ASCC1: variants seen among roughly 807,000 people sequenced by gnomAD.
The protein encoded by ASCC1 is ASC-1 complex subunit P50.
ASCC1 carries 35 observed loss-of-function variants against 46.6 expected under a neutral mutation model. That is an observed-to-expected ratio of 0.75 (90% CI 0.57 to 0.99). The LOEUF (loss-of-function observed/expected upper bound fraction) is 0.99, where lower values mean the gene tolerates loss of function less well. ASCC1 is among the 50% of genes least tolerant of loss of function. ASCC1 has a pLI of 0.00. For missense variants in ASCC1, 376 were observed against 428.7 expected, an observed-to-expected ratio of 0.88 and a Z score of 1.09; for synonymous variants, 143 against 146.6, an observed-to-expected ratio of 0.98 and a Z score of 0.18.
chr10:72,097,589 T>C (rs1841229446), intron 9 of ASCC1, 139 bp from the exon 10 acceptor site: 1 of 608,754 alleles, frequency 1.6e-6, no homozygotes, highest in South Asian at 1.8e-5. Context: ...GTGTTTACTC[T>C]GAATAATGAT....
At chr10:72,204,328 G>C (rs1168370802) in intron 3 of ASCC1, 1 of 1,454,210 alleles carries the variant, frequency 6.9e-7, no homozygotes, top group Non-Finnish European at 9.4e-7. Flanking sequence ...GCGAGCTACA[G>C]CCAACTCTCG....
intron 5 of ASCC1, among the ~76,000 whole-genome samples, chr10:72,174,002 G>T (rs1851561129): frequency 6.6e-6 from 1 of 152,212 alleles, no homozygotes; most frequent in East Asian, 1.9e-4. Context: ...GGGCAGTTTT[G>T]TTTATGAAAA....
intron 6 of ASCC1, among the ~76,000 whole-genome samples, chr10:72,154,274 T>C (rs1268813510): frequency 1.3e-5 from 2 of 152,078 alleles, no homozygotes. Flanking sequence ...ATCTTGACAA[T>C]GATCACCAAT....
At chr10:72,169,302 G>A (rs1850760458) in intron 5 of ASCC1, among the ~76,000 whole-genome samples, 1 of 152,074 alleles carries the variant, frequency 6.6e-6, no homozygotes. Context: ...CGGGTGTGGT[G>A]GCACATGCAT....
At chr10:72,140,965 A>T (rs896482885) in intron 7 of ASCC1, among the ~76,000 whole-genome samples, 7 of 152,116 alleles carry the variant, frequency 4.6e-5, no homozygotes, top group Non-Finnish European at 1.0e-4. Context: ...CAATTCTACC[A>T]CTTACAAGCA....
intron 5 of ASCC1, among the ~76,000 whole-genome samples, chr10:72,182,937 T>C (rs1424528063): frequency 6.6e-6 from 1 of 151,934 alleles, no homozygotes; most frequent in Non-Finnish European, 1.5e-5. Flanking sequence ...TTAAAGCTTA[T>C]ACTTTCTTAT....
chr10:72,209,553 G>A (rs1032992989), intron 3 of ASCC1, among the ~76,000 whole-genome samples: 1 of 152,112 alleles, frequency 6.6e-6, no homozygotes, highest in Non-Finnish European at 1.5e-5. Flanking sequence ...GGAAGCTGAG[G>A]CAGGTGGATC....
At chr10:72,211,544 G>T (rs963484079) in intron 2 of ASCC1, among the ~76,000 whole-genome samples, 8 of 152,014 alleles carry the variant, frequency 5.3e-5, no homozygotes, top group Admixed American at 5.2e-4. Context: ...AACCAAGGTC[G>T]TGCCACTGCA....
chr10:72,188,121 C>CTTTTTTTT (rs1169395541), intron 5 of ASCC1, among the ~76,000 whole-genome samples: 1 of 124,448 alleles, frequency 8.0e-6, no homozygotes, highest in African/African-American at 3.0e-5. Flanking sequence ...AATACTTCTT[C>CTTTTTTTT]TTTTTTTTTT....
chr10:72,212,815 T>G (rs1299634253), intron 2 of ASCC1, among the ~76,000 whole-genome samples: 1 of 152,064 alleles, frequency 6.6e-6, no homozygotes, highest in Non-Finnish European at 1.5e-5. Context: ...ATTACTGCAT[T>G]CCAGCCTAGG....
At chr10:72,105,210 A>G (rs1682351099) in intron 9 of ASCC1, among the ~76,000 whole-genome samples, 1 of 152,192 alleles carries the variant, frequency 6.6e-6, no homozygotes, top group African/African-American at 2.4e-5. Flanking sequence ...ACCCCACATG[A>G]CGAGGCAAGG....
chr10:72,208,603 T>C (rs935609318), intron 3 of ASCC1, among the ~76,000 whole-genome samples: 5 of 152,002 alleles, frequency 3.3e-5, no homozygotes, highest in African/African-American at 9.7e-5. Flanking sequence ...CTACTAAAAA[T>C]ACAAAAATTA....
rs576543054 is a variant in ASCC1, at chr10:72,153,482, G to A, written c.627-494C>T. Among the ~76,000 whole-genome samples, 22 of 151,764 alleles carry A rather than the reference G, an allele frequency of 1.4e-4. No homozygotes were observed. The South Asian group carries it at 4.6e-3, about 32-fold the overall frequency. On this transcript the variant is annotated intron_variant, in intron 6 of 9. Coordinates refer to ENST00000672957, the MANE Select transcript of ASCC1 (RefSeq NM_001198800.3). ...TTGCTGTTGCCCAGGCTGGAGTACA[G>A]TGGCGTGATCTCGGCTCACTGCAAC... is the stretch of plus-strand genomic sequence containing the variant.
At chr10:72,135,488 C>T (rs1396686284) in intron 7 of ASCC1, among the ~76,000 whole-genome samples, 3 of 152,074 alleles carry the variant, frequency 2.0e-5, no homozygotes, top group Non-Finnish European at 2.9e-5. Flanking sequence ...GGCATATGCA[C>T]AGAAGGACTG....
At chr10:72,189,885 A>G (rs1357955755) in intron 5 of ASCC1, 1 of 624,412 alleles carries the variant, frequency 1.6e-6, no homozygotes, top group African/African-American at 1.8e-5. Flanking sequence ...TGTCTTCACT[A>G]TAAGATTAAG....
intron 7 of ASCC1, among the ~76,000 whole-genome samples, chr10:72,147,655 G>A (rs1251767940): frequency 6.6e-6 from 1 of 152,130 alleles, no homozygotes; most frequent in Admixed American, 6.6e-5. Context: ...TTAGTTCAGG[G>A]CACAGCTTTG....
At chr10:72,131,685 GGTCCTACCATGACT>G in intron 8 of ASCC1, among the ~76,000 whole-genome samples, 1 of 152,114 alleles carries the variant, frequency 6.6e-6, no homozygotes, top group South Asian at 2.1e-4. Context: ...CAAATTTCTT[GGTCCTACCATGACT>G]GTAACTAAAC....
chr10:72,185,449 C>G (rs1447150492), intron 5 of ASCC1, among the ~76,000 whole-genome samples: 1 of 152,120 alleles, frequency 6.6e-6, no homozygotes, highest in African/African-American at 2.4e-5. Flanking sequence ...GTGGTACATT[C>G]ATGCAAAGAA....
intron 5 of ASCC1, 94 bp downstream of exon 5, chr10:72,196,717 G>C: frequency 7.6e-7 from 1 of 1,308,090 alleles, no homozygotes; most frequent in East Asian, 2.5e-5. Context: ...GGGGGAAGAA[G>C]TTTATAACTC....
Sources: allele counts gnomAD v4.1 joint callset (sites outside exome capture counted in the v4.1 genomes callset), GRCh38; gene constraint gnomAD v4.1.1; transcripts MANE v1.5; gene names NCBI Gene and HGNC (gene_info 2026-07-23, HGNC 2026-07-21).